Variants in SEPTIN10 observed in about 807,000 individuals in gnomAD.
The protein encoded by SEPTIN10 is septin 10, also known as septin-10.
In SEPTIN10, 66 loss-of-function variants were observed where a neutral mutation model predicts 54.8. That is an observed-to-expected ratio of 1.21 (90% confidence interval 0.99 to 1.48). SEPTIN10 has a LOEUF of 1.48. Among genes scored for constraint, SEPTIN10 ranks in the 40% most tolerant of loss-of-function variants. The pLI, the probability that SEPTIN10 is intolerant of heterozygous loss-of-function variation, is 0.00. For missense variants in SEPTIN10, 620 were observed against 545.6 expected (o/e 1.14, Z -1.36); for synonymous variants, 161 against 181.0 (o/e 0.89, Z 0.89).
Position 109,585,701 on chromosome 2 carries a change from G to A in SEPTIN10, c.217+20C>T, listed in dbSNP as rs777253208. On this transcript the variant is annotated intron_variant, in intron 3 of 10. Coordinates refer to ENST00000397712, the MANE Select transcript of SEPTIN10 (RefSeq NM_144710.5). ...AGGAATATGAAGGAACAACTTAGAG[G>A]AAGAGTAGGTGGCACGTACCCACAC... is the stretch of plus-strand genomic sequence containing the variant. 1 of 1,504,338 alleles carries A rather than the reference G, an allele frequency of 6.6e-7. No homozygotes were observed. The highest frequency in any genetic ancestry group is 1.1e-5 in the South Asian group (1 of 88,788). 93.2% of individuals were successfully genotyped at this position (1,504,338 alleles called of 1,614,324 possible).
At chr2:109,576,478 C>A (rs1033005062) in intron 4 of SEPTIN10, among the ~76,000 whole-genome samples, 1 of 152,028 alleles carries the variant, frequency 6.6e-6, no homozygotes, top group Non-Finnish European at 1.5e-5. Flanking sequence ...GAATTCAATT[C>A]ATCATCAAAG....
chr2:109,574,670 G>C lies in SEPTIN10; in HGVS notation c.511C>G (p.Arg171Gly). Residue 171 changes from arginine to glycine, a missense_variant, in exon 5 of 11, where the codon CGC (arginine) becomes GGC (glycine). Transcript: ENST00000397712. The part of the protein sequence containing the change: ...KRSLFTYHDS[R>G]IHVCLYFISP... ...ATGAAGTAGAGACACACATGGATGC[G>C]AGAATCATGGTAGGTAAAGAGAGAA... is the stretch of plus-strand genomic sequence containing the variant. 6.2e-7 allele frequency: 1 copy of C among 1,610,014 alleles called. No homozygotes were observed. Among genetic ancestry groups the C allele is most frequent in the Non-Finnish European group, 8.5e-7 (1 of 1,178,142 alleles).
intron 2 of SEPTIN10, among the ~76,000 whole-genome samples, chr2:109,589,777 T>C (rs1294720855): frequency 2.0e-5 from 3 of 151,860 alleles, no homozygotes; most frequent in African/African-American, 7.3e-5. Context: ...AATGAAAACA[T>C]ATGTCCACCC....
intron 8 of SEPTIN10, among the ~76,000 whole-genome samples, chr2:109,560,997 C>T (rs1224946264): frequency 6.6e-6 from 1 of 152,146 alleles, no homozygotes; most frequent in African/African-American, 2.4e-5. Flanking sequence ...CCTTCAATAC[C>T]TCCTTCACAT....
chr2:109,613,326 T>TG, intron 1 of SEPTIN10: 1 of 401,484 alleles, frequency 2.5e-6, no homozygotes, highest in Non-Finnish European at 4.4e-6. Context: ...GAGGAAAACT[T>TG]GGACGACCAC....
At chr2:109,612,296 TAAG>T (rs1699421825) in intron 1 of SEPTIN10, among the ~76,000 whole-genome samples, 1 of 152,188 alleles carries the variant, frequency 6.6e-6, no homozygotes, top group Non-Finnish European at 1.5e-5. Flanking sequence ...TGTCTGGGGT[TAAG>T]AAGGAGGCAG....
chr2:109,613,048 G>C, intron 1 of SEPTIN10: 4 of 546,756 alleles, frequency 7.3e-6, no homozygotes, highest in Non-Finnish European at 1.3e-5. Context: ...AATTAAAAGG[G>C]AGAATTTGTT....
At chr2:109,574,869 AAC>A (rs1689307479) in intron 4 of SEPTIN10, 102 bp from the exon 5 acceptor site, 6 of 725,886 alleles carry the variant, frequency 8.3e-6, no homozygotes, top group Non-Finnish European at 1.0e-5. Context: ...CTAATTAATA[AAC>A]AGTTAATATC....
intron 1 of SEPTIN10, among the ~76,000 whole-genome samples, chr2:109,602,301 A>C (rs1482638372): frequency 6.8e-6 from 1 of 146,178 alleles, no homozygotes; most frequent in Non-Finnish European, 1.5e-5. Context: ...GATTAAGGAC[A>C]ATAAAATTAA....
intron 2 of SEPTIN10, among the ~76,000 whole-genome samples, chr2:109,591,558 G>C (rs1040884578): frequency 2.0e-5 from 3 of 152,178 alleles, no homozygotes; most frequent in Admixed American, 6.5e-5. Flanking sequence ...AAAAACAAGA[G>C]ACTACAGTTA....
intron 1 of SEPTIN10, among the ~76,000 whole-genome samples, chr2:109,597,861 T>C (rs575445056): frequency 6.6e-6 from 1 of 152,272 alleles, no homozygotes; most frequent in South Asian, 2.1e-4. Context: ...ACACAATTCA[T>C]CCTAGGGCCC....
intron 4 of SEPTIN10, among the ~76,000 whole-genome samples, chr2:109,578,078 T>G (rs1425482690): frequency 6.6e-6 from 1 of 152,104 alleles, no homozygotes; most frequent in Non-Finnish European, 1.5e-5. Context: ...TGTGATAATG[T>G]GTAAGAGAAC....
intron 8 of SEPTIN10, among the ~76,000 whole-genome samples, chr2:109,553,976 C>T (rs1361923127): frequency 1.3e-5 from 2 of 152,042 alleles, no homozygotes; most frequent in Non-Finnish European, 2.9e-5. Context: ...CAATTTTTAC[C>T]ATAGGGTAAT....
chr2:109,555,542 G>A (rs1684161912), intron 8 of SEPTIN10, among the ~76,000 whole-genome samples: 1 of 152,210 alleles, frequency 6.6e-6, no homozygotes, highest in South Asian at 2.1e-4. Flanking sequence ...TTAGTAAAGA[G>A]CAAACTATTC....
intron 1 of SEPTIN10, among the ~76,000 whole-genome samples, chr2:109,612,136 C>A (rs1699390144): frequency 6.6e-6 from 1 of 151,848 alleles, no homozygotes; most frequent in Non-Finnish European, 1.5e-5. Context: ...CCCCAGCAAA[C>A]TGCAGATATA....
At chr2:109,567,734 TG>T in intron 6 of SEPTIN10, 80 bp downstream of exon 6, 3 of 1,291,868 alleles carry the variant, frequency 2.3e-6, no homozygotes, top group Non-Finnish European at 3.1e-6. Flanking sequence ...CAAGTGAAAG[TG>T]TATTAGCAGC....
At chr2:109,566,842 A>T (rs1227277135) in intron 6 of SEPTIN10, among the ~76,000 whole-genome samples, 1 of 152,180 alleles carries the variant, frequency 6.6e-6, no homozygotes, top group African/African-American at 2.4e-5. Context: ...GGATTAATAC[A>T]GGGGAAAAGT....
chr2:109,609,615 C>CA (rs59667245), intron 1 of SEPTIN10, among the ~76,000 whole-genome samples: 1,407 of 97,890 alleles, frequency 0.014, 9 homozygotes, highest in Non-Finnish European at 0.021. Flanking sequence ...GACTCCGCCT[C>CA]AAAAAAAAAA....
At chr2:109,611,336 C>T (rs938548631) in intron 1 of SEPTIN10, among the ~76,000 whole-genome samples, 1 of 152,006 alleles carries the variant, frequency 6.6e-6, no homozygotes, top group Non-Finnish European at 1.5e-5. Context: ...TGATAAATTT[C>T]AACAAAACTG....
Sources: allele counts gnomAD v4.1 joint callset (sites outside exome capture counted in the v4.1 genomes callset), GRCh38; gene constraint gnomAD v4.1.1; transcripts MANE v1.5; gene names NCBI Gene and HGNC (gene_info 2026-07-23, HGNC 2026-07-21).